ZNF469: variants seen among roughly 807,000 people sequenced by gnomAD.
The protein encoded by ZNF469 is zinc finger protein 469.
Under a neutral mutation model 1.0 loss-of-function variants are expected in ZNF469, and 1 was observed. That is an observed-to-expected ratio of 1.00 (90% CI 0.35 to 4.73). The LOEUF (loss-of-function observed/expected upper bound fraction) is 4.73, where lower values mean the gene tolerates loss of function less well. Among genes scored for constraint, ZNF469 ranks in the 30% most tolerant of loss-of-function variants. The pLI, the probability that ZNF469 is intolerant of heterozygous loss-of-function variation, is 0.16. For missense variants in ZNF469, 6,100 were observed against 5,356.3 expected (o/e 1.14, Z -4.33); for synonymous variants, 2,703 against 2,363.4 (o/e 1.14, Z -4.17).
chr16:88,256,029 C>A, the ZNF469 span, among the ~76,000 whole-genome samples: 3 of 152,200 alleles, frequency 2.0e-5, no homozygotes, highest in African/African-American at 7.2e-5. Context: ...TCATGGGGAA[C>A]TTTAAAACGG....
the ZNF469 span, among the ~76,000 whole-genome samples, chr16:88,212,498 TTTTAA>T: frequency 1.3e-5 from 2 of 152,336 alleles, no homozygotes; most frequent in African/African-American, 4.8e-5. Flanking sequence ...TTTGGGTACC[TTTTAA>T]TTTAATCTTC....
the ZNF469 span, among the ~76,000 whole-genome samples, chr16:88,247,744 AG>A: frequency 6.6e-6 from 1 of 152,032 alleles, no homozygotes; most frequent in Admixed American, 6.6e-5. Flanking sequence ...TCAATGAGTG[AG>A]TGAATGAGTC....
At chr16:88,315,551 C>T in the ZNF469 span, among the ~76,000 whole-genome samples, 1 of 152,176 alleles carries the variant, frequency 6.6e-6, no homozygotes. Context: ...AAGGGCGTGG[C>T]CAGGTGACTT....
the ZNF469 span, among the ~76,000 whole-genome samples, chr16:88,186,667 G>A: frequency 1.9e-4 from 29 of 152,286 alleles, no homozygotes; most frequent in African/African-American, 6.3e-4. Flanking sequence ...AGGATCGTGC[G>A]GCGGTCAAAG....
At chr16:88,201,608 A>G in the ZNF469 span, among the ~76,000 whole-genome samples, 3 of 152,204 alleles carry the variant, frequency 2.0e-5, no homozygotes, top group Admixed American at 6.5e-5. The surrounding 1 kb of genome is among the most constrained non-coding windows in gnomAD (Gnocchi z 5.0). Context: ...ACCACTCTCA[A>G]TGTGGAGGCT....
chr16:88,154,946 T>C, the ZNF469 span, among the ~76,000 whole-genome samples: 3 of 151,930 alleles, frequency 2.0e-5, no homozygotes, highest in Non-Finnish European at 4.4e-5. Flanking sequence ...GGCAGTGGGG[T>C]GTGGGTGGCA....
At position 88,434,978 on chromosome 16, in the gene ZNF469, C is replaced by A. The variant is rs141218390; in HGVS notation, c.7508C>A (p.Ala2503Glu). 106,780 of 1,550,004 alleles carry A rather than the reference C, an allele frequency of 0.069. 4,109 individuals are homozygous for A. The highest frequency in any genetic ancestry group is 0.13 in the Middle Eastern group (802 of 5,982). The change falls in exon 3 of 3, where the codon GCG becomes GAG. Residue 2503 changes from alanine (A) to glutamate (E), a missense_variant. Ala to Glu is a moderately radical substitution (Grantham distance 107). Coordinates refer to ENST00000565624, the MANE Select transcript of ZNF469 (RefSeq NM_001367624.2). ...RKHRPHPGAP[A>E]EPSPAALPAQ... ...CACCGGCCACACCCGGGAGCCCCCG[C>A]GGAGCCGAGCCCAGCGGCCTTGCCT...
the ZNF469 span, among the ~76,000 whole-genome samples, chr16:88,343,886 G>A: frequency 3.7e-3 from 563 of 152,248 alleles, 3 homozygotes; most frequent in African/African-American, 0.013. Flanking sequence ...AATATGGGGA[G>A]ATGGAAAGAG....
At chr16:88,305,061 G>C in the ZNF469 span, among the ~76,000 whole-genome samples, 2 of 152,172 alleles carry the variant, frequency 1.3e-5, no homozygotes, top group Non-Finnish European at 2.9e-5. Flanking sequence ...GGCAGCATCT[G>C]ACACCCACAC....
Position 88,430,322 on chromosome 16 carries a change from T to G in ZNF469, c.2852T>G (p.Leu951Trp). 1 of 1,515,538 alleles carries G rather than the reference T, an allele frequency of 6.6e-7. No homozygotes were observed. Among genetic ancestry groups the G allele is most frequent in the Non-Finnish European group, 8.8e-7 (1 of 1,135,542 alleles). 93.9% of individuals were successfully genotyped at this position (1,515,538 alleles called of 1,614,324 possible). ...AGGCAGCAGAGGAGGGGGAAGCAGT[T>G]GAAGCTGTTCCGGAAGGATCTGGAC... ...QGRQQRRGKQ[L>W]KLFRKDLDSG... is the part of the protein sequence containing the mutation. Residue 951 changes from leucine to tryptophan, a missense_variant, in exon 3 of 3, where the codon TTG becomes TGG. Leu to Trp is a moderately conservative substitution (Grantham distance 61). Coordinates refer to ENST00000565624, the MANE Select transcript of ZNF469 (RefSeq NM_001367624.2).
At position 88,439,403 on chromosome 16, in the gene ZNF469, G is replaced by A; in HGVS notation, c.*71G>A. Reference sequence around the variant, plus strand: ...CGGCCTGCCTCCTTGGCCAGCTCCGGCTCCCTGAGATGGTCCACTCTGTGG... The same window carrying A: ...CGGCCTGCCTCCTTGGCCAGCTCCGACTCCCTGAGATGGTCCACTCTGTGG... On this transcript the variant is annotated 3_prime_UTR_variant, in exon 3 of 3. Coordinates refer to ENST00000565624, the MANE Select transcript of ZNF469 (RefSeq NM_001367624.2). The A allele has an allele frequency of 6.6e-7, 1 of 1,516,164 alleles. No individual in the cohort carries two copies. Among genetic ancestry groups the A allele is most frequent in the Non-Finnish European group, 8.9e-7 (1 of 1,117,400 alleles). The allele number at this position is 1,516,164 out of a possible 1,614,324, so 93.9% of individuals were successfully genotyped here. A position where few individuals can be genotyped will look rare whatever the true frequency, so the allele number is the denominator to read the frequency against.
chr16:88,403,311 A>T (rs573243790), intron 1 of ZNF469, among the ~76,000 whole-genome samples: 2 of 152,304 alleles, frequency 1.3e-5, no homozygotes, highest in East Asian at 3.9e-4. Context: ...TTTGTAACAT[A>T]GTGTTATTAA....
chr16:88,436,926 G>C lies in ZNF469; in HGVS notation c.9456G>C (p.Arg3152Ser). The change falls in exon 3 of 3, where the codon AGG (arginine) becomes AGC (serine). Residue 3152 changes from arginine (R) to serine (S), a missense_variant. Arg to Ser is a moderately radical substitution (Grantham distance 110). Transcript: ENST00000565624. ...PPTCYMCVER[R>S]FGSRELLRGH... is the part of the protein sequence containing the mutation. ...CCTGCTACATGTGCGTGGAGCGCAG[G>C]TTTGGCTCGCGGGAGCTGCTGCGGG... The C allele has an allele frequency of 6.7e-7, 1 of 1,496,088 alleles. No individual in the cohort carries two copies. The highest frequency in any genetic ancestry group is 8.9e-7 in the Non-Finnish European group (1 of 1,124,104). The allele number at this position is 1,496,088 out of a possible 1,614,324, so 92.7% of individuals were successfully genotyped here.
the ZNF469 span, among the ~76,000 whole-genome samples, chr16:88,317,997 C>T: frequency 6.6e-6 from 1 of 152,254 alleles, no homozygotes; most frequent in Non-Finnish European, 1.5e-5. Context: ...CTGCTTCCTC[C>T]TCCTGGCCCC....
chr16:88,282,992 A>C, the ZNF469 span, among the ~76,000 whole-genome samples: 1 of 152,214 alleles, frequency 6.6e-6, no homozygotes, highest in Non-Finnish European at 1.5e-5. Context: ...GGAGGACCCC[A>C]GCGATTCCCT....
chr16:88,207,571 C>A, the ZNF469 span, among the ~76,000 whole-genome samples: 1 of 149,324 alleles, frequency 6.7e-6, no homozygotes, highest in African/African-American at 2.5e-5. Context: ...AACCACAAAC[C>A]GGGAGCTTAA....
chr16:88,328,876 G>T, the ZNF469 span, among the ~76,000 whole-genome samples: 2 of 152,150 alleles, frequency 1.3e-5, no homozygotes, highest in African/African-American at 2.4e-5. Flanking sequence ...ACGCAGTTTG[G>T]CCACAGCAGA....
At chr16:88,354,629 C>CA in the ZNF469 span, among the ~76,000 whole-genome samples, 2 of 17,080 alleles carry the variant, frequency 1.2e-4, no homozygotes, top group East Asian at 7.8e-4. Context: ...TCACCGCGCC[C>CA]GGCCCCCAGC....
At chr16:88,371,951 TCACCACCATCATC>T in the ZNF469 span, among the ~76,000 whole-genome samples, 1 of 121,444 alleles carries the variant, frequency 8.2e-6, no homozygotes, top group African/African-American at 3.2e-5. Flanking sequence ...ATCATCACCA[TCACCACCATCATC>T]ACCATCACCA....
Sources: allele counts gnomAD v4.1 joint callset (sites outside exome capture counted in the v4.1 genomes callset), GRCh38; gene constraint gnomAD v4.1.1; non-coding constraint Gnocchi (gnomAD v3.1); transcripts MANE v1.5; gene names NCBI Gene and HGNC (gene_info 2026-07-23, HGNC 2026-07-21).